Variants in MARCHF1 observed in about 807,000 individuals in gnomAD.
MARCHF1 encodes E3 ubiquitin-protein ligase MARCHF1.
MARCHF1 carries 40 observed loss-of-function variants against 54.2 expected under a neutral mutation model. The observed-to-expected ratio is 0.74, with a 90% CI of 0.57 to 0.96. The LOEUF (loss-of-function observed/expected upper bound fraction) is 0.96, where lower values mean the gene tolerates loss of function less well. Among genes scored for constraint, MARCHF1 ranks in the 40% least tolerant of loss-of-function variants. The pLI, the probability that MARCHF1 is intolerant of heterozygous loss-of-function variation, is 0.00. For missense variants in MARCHF1, 586 were observed against 656.5 expected (o/e 0.89, Z 1.17); for synonymous variants, 236 against 236.3 (o/e 1.00, Z 0.01).
chr4:163,921,908 A>C (rs1045331430), intron 3 of MARCHF1, among the ~76,000 whole-genome samples: 4 of 152,172 alleles, frequency 2.6e-5, no homozygotes, highest in African/African-American at 9.7e-5. Context: ...TGCTATAAAG[A>C]CACATGCACA....
chr4:164,313,641 T>C lies in MARCHF1; in HGVS notation c.-323+70229A>G, dbSNP rs369857383. Among the ~76,000 whole-genome samples the C allele has an allele frequency of 2.5e-4, 38 of 152,226 alleles. 4 individuals carry two copies. In the East Asian group the frequency reaches 3.7e-3, roughly 15 times the overall value. On this transcript the variant is annotated intron_variant, in intron 1 of 9. Transcript: ENST00000514618. ...CTCCCTAAATAACAATATTAGCAGT[T>C]TTAAATAGTTACTAAAGCTTAAAGC...
intron 1 of MARCHF1, among the ~76,000 whole-genome samples, chr4:164,352,559 G>T (rs1730381183): frequency 6.8e-6 from 1 of 146,718 alleles, no homozygotes; most frequent in African/African-American, 2.5e-5. Flanking sequence ...ACAAGCAAAT[G>T]CTGAGAGATT....
chr4:163,591,718 G>GTTGT, intron 7 of MARCHF1, among the ~76,000 whole-genome samples: 1 of 152,258 alleles, frequency 6.6e-6, no homozygotes, highest in Non-Finnish European at 1.5e-5. Context: ...CTCAGAAGTT[G>GTTGT]TTACCAATGA....
intron 3 of MARCHF1, among the ~76,000 whole-genome samples, chr4:163,898,827 T>C (rs1750875133): frequency 6.6e-6 from 1 of 152,186 alleles, no homozygotes. Context: ...AAATGCGGTA[T>C]ATATACACCT....
chr4:163,866,308 G>A (rs1043859156), intron 3 of MARCHF1, among the ~76,000 whole-genome samples: 1 of 150,444 alleles, frequency 6.6e-6, no homozygotes, highest in South Asian at 2.1e-4. Context: ...TTTCTAAACT[G>A]TATTATATAC....
chr4:163,562,295 C>G (rs573646343), intron 8 of MARCHF1, among the ~76,000 whole-genome samples: 28 of 116,018 alleles, frequency 2.4e-4, no homozygotes, highest in East Asian at 1.3e-3. Flanking sequence ...GACTCTGTCT[C>G]AAAAACAAAA....
intron 8 of MARCHF1, among the ~76,000 whole-genome samples, chr4:163,572,729 T>G (rs1334628314): frequency 3.3e-5 from 5 of 152,094 alleles, no homozygotes. Flanking sequence ...CATGTTTCCA[T>G]GTGGAGGGAC....
intron 1 of MARCHF1, among the ~76,000 whole-genome samples, chr4:164,173,541 G>A (rs530369820): frequency 5.1e-4 from 78 of 152,322 alleles, no homozygotes; most frequent in Non-Finnish European, 7.8e-4. Context: ...AGTGTTAGAG[G>A]TGGGGCCTGG....
chr4:164,153,678 C>A (rs1730002844), intron 1 of MARCHF1, among the ~76,000 whole-genome samples: 1 of 152,010 alleles, frequency 6.6e-6, no homozygotes, highest in Non-Finnish European at 1.5e-5. Context: ...ATACATCATA[C>A]AAACAACCAA....
At chr4:163,732,939 G>A (rs1226958871) in intron 4 of MARCHF1, among the ~76,000 whole-genome samples, 1 of 151,526 alleles carries the variant, frequency 6.6e-6, no homozygotes, top group Non-Finnish European at 1.5e-5. Flanking sequence ...ATCATCTGAG[G>A]TCAGGAGTTC....
Position 163,994,257 on chromosome 4 carries a change from AGTGTGTGTGTGTGTGTGTGTGT to A in MARCHF1, c.-247-5570_-247-5549del, listed in dbSNP as rs769035806. Among the ~76,000 whole-genome samples, 13 of 137,128 alleles carry A rather than the reference AGTGTGTGTGTGTGTGTGTGTGT, an allele frequency of 9.5e-5. No individual in the cohort carries two copies. In the East Asian group the frequency reaches 1.8e-3, roughly 19 times the overall value. The allele number at this position is 137,128 out of a possible 152,430, so 90.0% of individuals were successfully genotyped here. A position where few individuals can be genotyped will look rare whatever the true frequency, so the allele number is the denominator to read the frequency against. ...TATCGCTGAAGAATGATAGAGAAAA[AGTGTGTGTGTGTGTGTGTGTGT>A]GTGTGTGTGTGTGTGTGTGTGTGAG... is the stretch of plus-strand genomic sequence containing the variant. On this transcript the variant is annotated intron_variant, in intron 2 of 9. Coordinates refer to ENST00000514618, the MANE Select transcript of MARCHF1 (RefSeq NM_001394959.1).
intron 5 of MARCHF1, among the ~76,000 whole-genome samples, chr4:163,670,282 A>AT (rs897742583): frequency 6.6e-5 from 10 of 151,916 alleles, no homozygotes; most frequent in African/African-American, 2.4e-4. Flanking sequence ...GGAGAGAGAG[A>AT]TTTTTTTATA....
At chr4:163,646,223 T>C (rs1439599048) in intron 5 of MARCHF1, among the ~76,000 whole-genome samples, 1 of 146,848 alleles carries the variant, frequency 6.8e-6, no homozygotes, top group Non-Finnish European at 1.5e-5. Flanking sequence ...AGATGTTATA[T>C]TCAAGAGGCT....
intron 2 of MARCHF1, among the ~76,000 whole-genome samples, chr4:163,998,423 T>C (rs886718306): frequency 6.6e-6 from 1 of 151,706 alleles, no homozygotes; most frequent in African/African-American, 2.4e-5. Flanking sequence ...AGGAGTACTA[T>C]GTTAATATTT....
At chr4:163,895,010 TACAC>T (rs77964904) in intron 3 of MARCHF1, among the ~76,000 whole-genome samples, 1 of 118,042 alleles carries the variant, frequency 8.5e-6, no homozygotes, top group African/African-American at 3.5e-5. Flanking sequence ...GTGATACACA[TACAC>T]ACACATATGC....
At chr4:163,810,573 G>A (rs188478043) in intron 4 of MARCHF1, among the ~76,000 whole-genome samples, 55 of 152,186 alleles carry the variant, frequency 3.6e-4, no homozygotes, top group Non-Finnish European at 8.8e-5. Context: ...TCATTCATAT[G>A]ACAATAATTT....
chr4:164,240,172 ATGTTCCTTTACTCT>A (rs1375901551), intron 1 of MARCHF1, among the ~76,000 whole-genome samples: 1 of 152,206 alleles, frequency 6.6e-6, no homozygotes, highest in African/African-American at 2.4e-5. Context: ...CGAGACTGGA[ATGTTCCTTTACTCT>A]TGTTTTGTCA....
chr4:163,816,921 T>A (rs1442411153), intron 4 of MARCHF1, among the ~76,000 whole-genome samples: 1 of 152,080 alleles, frequency 6.6e-6, no homozygotes, highest in East Asian at 1.9e-4. Context: ...ATAGCTATGA[T>A]GATCTTTATT....
chr4:163,702,599 T>C lies in MARCHF1; in HGVS notation c.112-1736A>G, dbSNP rs548003001. 7.2e-4 allele frequency among the ~76,000 whole-genome samples: 109 copies of C among 152,288 alleles called. 1 individual carries two copies. The highest frequency in any genetic ancestry group is 6.8e-3 in the Middle Eastern group (2 of 294). On this transcript the variant is annotated intron_variant, in intron 4 of 9. Coordinates refer to ENST00000514618, the MANE Select transcript of MARCHF1 (RefSeq NM_001394959.1). The stretch of plus-strand genomic sequence containing the variant: ...ATTTTTCACACTGAATGGGACTTTA[T>C]GGTGTTTTGAGATAAAACAAGAAAG...
Sources: gnomAD v4.1 joint callset for allele counts (sites outside exome capture counted in the v4.1 genomes callset) on GRCh38, gnomAD v4.1.1 for gene constraint, MANE v1.5 for transcripts, NCBI Gene and HGNC (gene_info 2026-07-23, HGNC 2026-07-21) for gene names.